Variants in ADAM32 observed in about 807,000 individuals in gnomAD.
The protein encoded by ADAM32 is disintegrin and metalloproteinase domain-containing protein 32.
Under a neutral mutation model 114.9 loss-of-function variants are expected in ADAM32, and 89 were observed. The ratio of observed to expected loss-of-function variants is 0.77; its 90% confidence interval spans 0.65 to 0.92. The LOEUF (loss-of-function observed/expected upper bound fraction) is 0.92, where lower values mean the gene tolerates loss of function less well. Among genes scored for constraint, ADAM32 ranks in the 40% least tolerant of loss-of-function variants. The pLI is 0.00. For synonymous variants in ADAM32, 285 were observed against 307.5 expected, an observed-to-expected ratio of 0.93 and a Z score of 0.77; for missense variants, 870 against 932.8, an observed-to-expected ratio of 0.93 and a Z score of 0.88.
chr8:39,152,966 C>T (rs142733985), intron 6 of ADAM32, among the ~76,000 whole-genome samples: 1 of 152,272 alleles, frequency 6.6e-6, no homozygotes, highest in Non-Finnish European at 1.5e-5. Context: ...TGTGGACATA[C>T]TGACATGTAA....
At chr8:39,172,125 G>A (rs1805240829) in intron 10 of ADAM32, among the ~76,000 whole-genome samples, 1 of 151,890 alleles carries the variant, frequency 6.6e-6, no homozygotes, top group Non-Finnish European at 1.5e-5. Flanking sequence ...GGACATTTTA[G>A]GCATCAGAAT....
intron 10 of ADAM32, among the ~76,000 whole-genome samples, chr8:39,175,798 T>C (rs10101577): frequency 0.25 from 37,469 of 152,024 alleles, 4,993 homozygotes; most frequent in Non-Finnish European, 0.29. Flanking sequence ...GCTGTAAATT[T>C]TTCTGGTCCT....
intron 7 of ADAM32, among the ~76,000 whole-genome samples, chr8:39,162,069 G>A: frequency 2.7e-5 from 4 of 150,014 alleles, no homozygotes; most frequent in Admixed American, 6.6e-5. Flanking sequence ...GTGCAGGTTT[G>A]TCACATATGT....
chr8:39,158,330 G>T (rs4733984), intron 6 of ADAM32: 164,621 of 170,504 alleles, frequency 0.97, 79,771 homozygotes, highest in East Asian at 1. Context: ...CTTCTACTTC[G>T]CTTTATGCCA....
intron 3 of ADAM32, among the ~76,000 whole-genome samples, chr8:39,142,888 A>G (rs368163468): frequency 1.3e-5 from 2 of 152,114 alleles, no homozygotes; most frequent in African/African-American, 4.8e-5. Context: ...TATTTCTTGG[A>G]GGCTTTGTTA....
At chr8:39,181,711 G>T (rs745643917) in intron 10 of ADAM32, among the ~76,000 whole-genome samples, 1 of 152,202 alleles carries the variant, frequency 6.6e-6, no homozygotes, top group Non-Finnish European at 1.5e-5. Flanking sequence ...AAAGAGAGAA[G>T]TTAGTAAGGA....
At position 39,252,405 on chromosome 8, in the gene ADAM32, CA is replaced by C. The variant is rs200251658; in HGVS notation, c.1903-2003del. ...AAATTAGAAAATATCTCAAGACAAACAAAAAATGAAAAAAAAAAGGGATGTG... is the reference window on the plus strand; with the variant it reads ...AAATTAGAAAATATCTCAAGACAAACAAAAATGAAAAAAAAAAGGGATGTG... On this transcript the variant is annotated intron_variant, in intron 17 of 24. Transcript: ENST00000379907. 4.9e-3 allele frequency among the ~76,000 whole-genome samples: 680 copies of C among 140,066 alleles called. 5 individuals carry two copies. The highest frequency in any genetic ancestry group is 0.016 in the African/African-American group (615 of 37,558). The allele number at this position is 140,066 out of a possible 152,430, so 91.9% of individuals were successfully genotyped here.
In ADAM32 at chr8:39,151,409, G is replaced by T. The variant is rs537620944; in HGVS notation, c.386G>T (p.Gly129Val). 6.8e-5 allele frequency: 109 copies of T among 1,594,080 alleles called. 2 individuals are homozygous for T. The South Asian group carries it at 1.2e-3, about 18-fold the overall frequency. ...GILQFENVSYGIEPLESAVEF... is the reference protein window; with the variant it reads ...GILQFENVSYVIEPLESAVEF... ...CTGCAATTTGAAAATGTTTCTTATG[G>T]AATTGAGCCTCTGGAATCTGCAGTT... Residue 129 changes from glycine to valine, a missense_variant, in exon 6 of 25, where the codon GGA becomes GTA. By Grantham distance (109) the Gly-to-Val change is moderately radical (BLOSUM62 -3). Coordinates refer to ENST00000379907, the MANE Select transcript of ADAM32 (RefSeq NM_145004.7).
At chr8:39,129,262 GA>G (rs973710635) in intron 2 of ADAM32, among the ~76,000 whole-genome samples, 4 of 151,916 alleles carry the variant, frequency 2.6e-5, no homozygotes, top group Admixed American at 1.3e-4. Flanking sequence ...GAAATGGTAA[GA>G]GGGGGCATTT....
chr8:39,267,466 A>G (rs1812438911), intron 19 of ADAM32, among the ~76,000 whole-genome samples: 1 of 152,108 alleles, frequency 6.6e-6, no homozygotes, highest in Admixed American at 6.5e-5. Flanking sequence ...ATATACCTTA[A>G]TTTTTTTAAA....
chr8:39,265,164 A>G (rs1015318580), intron 19 of ADAM32, among the ~76,000 whole-genome samples: 3 of 152,216 alleles, frequency 2.0e-5, no homozygotes, highest in Non-Finnish European at 4.4e-5. Flanking sequence ...AACTTGTTTT[A>G]TGAATCCAGG....
chr8:39,221,780 C>A, intron 13 of ADAM32, 78 bp downstream of exon 13: 1 of 807,440 alleles, frequency 1.2e-6, no homozygotes, highest in Non-Finnish European at 1.9e-6. Flanking sequence ...AGACCTACAG[C>A]TGTAATTACA....
At chr8:39,175,603 A>G (rs1437809325) in intron 10 of ADAM32, among the ~76,000 whole-genome samples, 1 of 152,186 alleles carries the variant, frequency 6.6e-6, no homozygotes, top group Admixed American at 6.5e-5. Context: ...GGATTTTTGC[A>G]TCGATGTTCA....
At chr8:39,191,809 TC>T (rs1437225046) in intron 11 of ADAM32, among the ~76,000 whole-genome samples, 2 of 152,194 alleles carry the variant, frequency 1.3e-5, no homozygotes, top group African/African-American at 4.8e-5. Context: ...GGAGTCTTCA[TC>T]ATGAAATGTT....
At chr8:39,212,126 C>T (rs1005742706) in intron 12 of ADAM32, among the ~76,000 whole-genome samples, 4 of 152,120 alleles carry the variant, frequency 2.6e-5, no homozygotes, top group Non-Finnish European at 5.9e-5. Context: ...AAGCGGTTCT[C>T]CTGCCTCAGC....
At chr8:39,252,885 A>G (rs1234236664) in intron 17 of ADAM32, among the ~76,000 whole-genome samples, 2 of 151,688 alleles carry the variant, frequency 1.3e-5, no homozygotes, top group Non-Finnish European at 3.0e-5. Context: ...TGAACAGAAC[A>G]ATAACAAATA....
At chr8:39,211,785 T>C (rs1808238687) in intron 12 of ADAM32, among the ~76,000 whole-genome samples, 1 of 152,178 alleles carries the variant, frequency 6.6e-6, no homozygotes, top group Admixed American at 6.5e-5. Context: ...GAAAATATAA[T>C]GAATTCAAAA....
chr8:39,159,728 A>C, intron 6 of ADAM32, among the ~76,000 whole-genome samples: 1 of 152,216 alleles, frequency 6.6e-6, no homozygotes, highest in Non-Finnish European at 1.5e-5. Flanking sequence ...TGGAGGAAAC[A>C]AAGGAAAGCT....
At chr8:39,143,388 G>A (rs1455338233) in intron 3 of ADAM32, among the ~76,000 whole-genome samples, 1 of 152,152 alleles carries the variant, frequency 6.6e-6, no homozygotes, top group East Asian at 1.9e-4. Flanking sequence ...CACAGATGGG[G>A]TTTTGGTGTG....
Sources: allele counts gnomAD v4.1 joint callset (sites outside exome capture counted in the v4.1 genomes callset), GRCh38; gene constraint gnomAD v4.1.1; transcripts MANE v1.5; gene names NCBI Gene and HGNC (gene_info 2026-07-23, HGNC 2026-07-21).